The following XYLB variants were observed in gnomAD, a reference collection of about 807,000 sequenced individuals.
XYLB encodes the protein xylulokinase, also known as xylulose kinase.
A neutral mutation model predicts 78.7 loss-of-function variants in XYLB; 62 were observed. That is an observed-to-expected ratio of 0.79 (90% confidence interval 0.64 to 0.97). The LOEUF (loss-of-function observed/expected upper bound fraction) is 0.97, where lower values mean the gene tolerates loss of function less well. XYLB is among the 50% of genes least tolerant of loss of function. The pLI is 0.00. For synonymous variants in XYLB, 245 were observed against 247.4 expected, an observed-to-expected ratio of 0.99 and a Z score of 0.09; for missense variants, 687 against 676.8, an observed-to-expected ratio of 1.02 and a Z score of -0.17.
At position 38,397,159 on chromosome 3, in the gene XYLB, G is replaced by A; in HGVS notation, c.1438G>A (p.Gly480Ser). ...GGGTTCTGCATACCGAGCTTTTCAT[G>A]GTAGGTTGATGGAGGGAGACAGCTA... ...CVGSAYRAFH[G>S]LAGGTDVPFS... The change falls in exon 17 of 19, where the codon GGT (glycine) becomes AGT (serine). Residue 480 changes from glycine to serine, a missense_variant and splice_region_variant. Physicochemically the swap from Gly to Ser is moderately conservative, Grantham distance 56. Transcript: ENST00000207870. 1.2e-6 allele frequency: 2 copies of A among 1,614,060 alleles called. No homozygotes were observed. Among genetic ancestry groups the A allele is most frequent in the Non-Finnish European group, 1.7e-6 (2 of 1,179,982 alleles).
chr3:38,404,683 G>A (rs1301729343), intron 18 of XYLB, among the ~76,000 whole-genome samples: 5 of 152,112 alleles, frequency 3.3e-5, no homozygotes, highest in Non-Finnish European at 7.4e-5. Context: ...AAAATTAGCT[G>A]GGTGTGGTGG....
chr3:38,434,241 A>C, the XYLB span, among the ~76,000 whole-genome samples: 1 of 152,144 alleles, frequency 6.6e-6, no homozygotes, highest in East Asian at 1.9e-4. Context: ...ACACAGCCAA[A>C]CCATATCAGG....
chr3:38,378,282 C>CA (rs1706967282), intron 14 of XYLB, among the ~76,000 whole-genome samples: 1 of 152,250 alleles, frequency 6.6e-6, no homozygotes, highest in Non-Finnish European at 1.5e-5. Context: ...AAGTAGTGTT[C>CA]TTCATTCATT....
rs2125684455 is a variant in XYLB at position 38,414,267 on chromosome 3, G to A, written c.*1254G>A. On this transcript the variant is annotated 3_prime_UTR_variant, in exon 19 of 19. Transcript: ENST00000207870. ...AGGAAGGGGCTTAGAAAATGAATGG[G>A]ACCAAAGGCATCACTTCTGATGGAG... 1 of 152,320 alleles carries A rather than the reference G, an allele frequency of 6.6e-6. No homozygotes were observed. Among genetic ancestry groups the A allele is most frequent in the Non-Finnish European group, 1.5e-5 (1 of 68,052 alleles). 9.4% of individuals were successfully genotyped at this position (152,320 alleles called of 1,614,324 possible). A position where few individuals can be genotyped will look rare whatever the true frequency, so the allele number is the denominator to read the frequency against.
the XYLB span, among the ~76,000 whole-genome samples, chr3:38,437,005 A>AAAAAAT: frequency 8.9e-5 from 12 of 134,806 alleles, no homozygotes; most frequent in East Asian, 2.1e-4. Flanking sequence ...CTCCTTCTAA[A>AAAAAAT]AATAATAATA....
At chr3:38,444,529 C>G in the XYLB span, among the ~76,000 whole-genome samples, 4 of 152,126 alleles carry the variant, frequency 2.6e-5, no homozygotes, top group African/African-American at 9.7e-5. Context: ...GTATTTCACT[C>G]CATTTGCCTT....
chr3:38,386,716 AACATGCTTGC>A (rs1333740506), intron 15 of XYLB, among the ~76,000 whole-genome samples: 3 of 152,122 alleles, frequency 2.0e-5, no homozygotes, highest in African/African-American at 7.2e-5. Flanking sequence ...ATTTTTTACG[AACATGCTTGC>A]ACTACAAGAA....
chr3:38,362,778 A>C (rs78749733), intron 3 of XYLB, among the ~76,000 whole-genome samples, 159 bp from the exon 4 acceptor site: 54 of 152,332 alleles, frequency 3.5e-4, no homozygotes, highest in Non-Finnish European at 5.9e-4. Flanking sequence ...TTGTTTAATT[A>C]ATGTACTCTA....
chr3:38,378,747 G>T (rs1706993897), intron 14 of XYLB, among the ~76,000 whole-genome samples: 1 of 150,878 alleles, frequency 6.6e-6, no homozygotes, highest in Non-Finnish European at 1.5e-5. Flanking sequence ...GCCTGGGGTT[G>T]ATGCCCATCA....
downstream of XYLB, among the ~76,000 whole-genome samples, chr3:38,419,129 T>C (rs1708892651): frequency 6.6e-6 from 1 of 152,208 alleles, no homozygotes; most frequent in Non-Finnish European, 1.5e-5. Context: ...TTCATATAAG[T>C]GGTATCATAC....
chr3:38,371,904 A>G (rs1393989156), intron 9 of XYLB, among the ~76,000 whole-genome samples: 1 of 152,186 alleles, frequency 6.6e-6, no homozygotes, highest in Non-Finnish European at 1.5e-5. Context: ...GACAGAAAAC[A>G]GCCAAGCCAC....
chr3:38,357,877 G>A (rs533407302), intron 2 of XYLB, among the ~76,000 whole-genome samples: 8 of 148,044 alleles, frequency 5.4e-5, no homozygotes, highest in Non-Finnish European at 1.0e-4. Context: ...AAAAAAAACT[G>A]TGTTATTTCT....
intron 2 of XYLB, 78 bp from the exon 3 acceptor site, chr3:38,360,261 C>T: frequency 3.0e-6 from 4 of 1,337,178 alleles, no homozygotes; most frequent in South Asian, 1.2e-5. Context: ...CAGAGTCATC[C>T]ACCATAGGGT....
chr3:38,413,146 G>A lies in XYLB; in HGVS notation c.*133G>A. On this transcript the variant is annotated 3_prime_UTR_variant, in exon 19 of 19. Coordinates refer to ENST00000207870, the MANE Select transcript of XYLB (RefSeq NM_005108.4). Reference sequence around the variant, plus strand: ...CCTACTGACTCCTTGGAGTGTCCAGGACCATCTTAAAGCCGCCCTCAGCAC... The same window carrying A: ...CCTACTGACTCCTTGGAGTGTCCAGAACCATCTTAAAGCCGCCCTCAGCAC... 2 of 872,734 alleles carry A rather than the reference G, an allele frequency of 2.3e-6. No homozygotes were observed. Among genetic ancestry groups the A allele is most frequent in the Non-Finnish European group, 3.3e-6 (2 of 606,224 alleles). The allele number at this position is 872,734 out of a possible 1,614,324, so 54.1% of individuals were successfully genotyped here.
intron 15 of XYLB, 43 bp downstream of exon 15, chr3:38,379,385 A>C: frequency 1.1e-5 from 18 of 1,597,184 alleles, no homozygotes; most frequent in Non-Finnish European, 1.3e-5. Flanking sequence ...GTGGGGGCTC[A>C]GGGCCAGCTC....
At chr3:38,379,111 A>T in intron 14 of XYLB, 135 bp from the exon 15 acceptor site, 2 of 781,026 alleles carry the variant, frequency 2.6e-6, no homozygotes, top group Non-Finnish European at 4.4e-6. Context: ...ACAGGCAAAG[A>T]TAGTGGTTAA....
the XYLB span, among the ~76,000 whole-genome samples, chr3:38,433,582 T>A: frequency 6.6e-6 from 1 of 152,224 alleles, no homozygotes. Flanking sequence ...AAGTTCAAAG[T>A]TCCACAGATC....
chr3:38,354,425 A>C (rs918324214), intron 2 of XYLB, among the ~76,000 whole-genome samples: 1 of 150,254 alleles, frequency 6.7e-6, no homozygotes, highest in Non-Finnish European at 1.5e-5. Context: ...TTTTTTCCAG[A>C]GTTTCCATGG....
At chr3:38,354,613 C>G (rs1559571653) in intron 2 of XYLB, among the ~76,000 whole-genome samples, 1 of 152,066 alleles carries the variant, frequency 6.6e-6, no homozygotes, top group Non-Finnish European at 1.5e-5. Context: ...AGCAATTCTC[C>G]TGTCTCAGCC....
Sources: allele counts gnomAD v4.1 joint callset (sites outside exome capture counted in the v4.1 genomes callset), GRCh38; gene constraint gnomAD v4.1.1; transcripts MANE v1.5; gene names NCBI Gene and HGNC (gene_info 2026-07-23, HGNC 2026-07-21).